The following ASCC2 variants were observed in gnomAD, a reference collection of about 807,000 sequenced individuals.
ASCC2 encodes the protein ASC-1 complex subunit P100.
In ASCC2, 42 loss-of-function variants were observed where a neutral mutation model predicts 93.5. The observed-to-expected ratio is 0.45, with a 90% CI of 0.35 to 0.58. The LOEUF (loss-of-function observed/expected upper bound fraction) is 0.58, where lower values mean the gene tolerates loss of function less well. Ranked by LOEUF, ASCC2 falls within the 20% of genes least tolerant of loss-of-function variation. The pLI is 0.00. For synonymous variants in ASCC2, 364 were observed against 384.2 expected, an observed-to-expected ratio of 0.95 and a Z score of 0.62; for missense variants, 859 against 977.6, an observed-to-expected ratio of 0.88 and a Z score of 1.62.
At chr22:29,828,895 C>T (rs766849826) in intron 2 of ASCC2, among the ~76,000 whole-genome samples, 33 of 152,232 alleles carry the variant, frequency 2.2e-4, no homozygotes, top group South Asian at 4.1e-4. Flanking sequence ...AAAATGTTGG[C>T]TGGGTACAGT....
At position 29,822,438 on chromosome 22, in the gene ASCC2, A is replaced by C; in HGVS notation, c.438T>G (p.Phe146Leu). ...SKDHFISPSAFGEILYNNFLF... is the reference protein window; with the variant it reads ...SKDHFISPSALGEILYNNFLF... ...GGAAGTTATTGTAGAGGATTTCTCC[A>C]AACGCAGAAGGGGAAATGAAGTGAT... Residue 146 changes from phenylalanine to leucine, a missense_variant, in exon 5 of 20, where the codon TTT (phenylalanine) becomes TTG (leucine). By Grantham distance (22) the Phe-to-Leu change is conservative. Transcript: ENST00000307790. The C allele has an allele frequency of 6.2e-7, 1 of 1,614,018 alleles. No homozygotes were observed. Among genetic ancestry groups the C allele is most frequent in the Non-Finnish European group, 8.5e-7 (1 of 1,179,944 alleles).
rs751298790 is a variant in ASCC2 at position 29,806,854 on chromosome 22, A to G, written c.959T>C (p.Met320Thr). Residue 320 changes from methionine (M) to threonine (T), a missense_variant, in exon 10 of 20, where the codon ATG becomes ACG. Coordinates refer to ENST00000307790, the MANE Select transcript of ASCC2 (RefSeq NM_032204.5). The part of the protein sequence containing the change: ...QRLSHSRKKL[M>T]EIFHIILNQI... ...GTTCAGGATGATGTGGAAAATCTCC[A>G]TTAGCTTCTTCCTGGAATGGGAGAG... The G allele has an allele frequency of 6.2e-7, 1 of 1,613,984 alleles. No individual in the cohort carries two copies. Among genetic ancestry groups the G allele is most frequent in the Non-Finnish European group, 8.5e-7 (1 of 1,179,966 alleles).
At chr22:29,837,273 A>G (rs1362127106) in intron 1 of ASCC2, among the ~76,000 whole-genome samples, 1 of 151,988 alleles carries the variant, frequency 6.6e-6, no homozygotes, top group Non-Finnish European at 1.5e-5. Context: ...TACCGAAAAA[A>G]AAAAAAAAAA....
At chr22:29,834,402 C>G (rs2063523370) in intron 1 of ASCC2, 1 of 435,556 alleles carries the variant, frequency 2.3e-6, no homozygotes, top group African/African-American at 2.1e-5. Flanking sequence ...CCCAAGGAAC[C>G]TTGGTTCTGG....
chr22:29,793,303 G>T, intron 17 of ASCC2, 57 bp downstream of exon 17: 1 of 1,602,650 alleles, frequency 6.2e-7, no homozygotes. Context: ...GGGTGAGGGA[G>T]CCCCATGGGC....
intron 10 of ASCC2, 62 bp from the exon 11 acceptor site, chr22:29,806,615 C>T (rs1233082779): frequency 2.6e-6 from 4 of 1,527,052 alleles, no homozygotes; most frequent in Non-Finnish European, 3.6e-6. Flanking sequence ...AGCTCCTTTA[C>T]ACACCCGCTG....
chr22:29,825,982 T>G lies in ASCC2; in HGVS notation c.82-202A>C. ...TAGGCGGTAATTAAAATCCATGTTT[T>G]CGGAGTGGATTTAATGACACGGGGA... On this transcript the variant is annotated intron_variant, in intron 2 of 19. Coordinates refer to ENST00000307790, the MANE Select transcript of ASCC2 (RefSeq NM_032204.5). This position sits in a 1 kb window ranked among gnomAD's most constrained non-coding sequence, Gnocchi z 4.9. 1.9e-6 allele frequency: 1 copy of G among 532,320 alleles called. No individual in the cohort carries two copies. Among genetic ancestry groups the G allele is most frequent in the South Asian group, 2.8e-5 (1 of 35,142 alleles). The allele number at this position is 532,320 out of a possible 1,614,324, so 33.0% of individuals were successfully genotyped here. A position where few individuals can be genotyped will look rare whatever the true frequency, so the allele number is the denominator to read the frequency against.
chr22:29,818,407 CACACACACACACACACACA>C (rs1569410630), intron 5 of ASCC2, among the ~76,000 whole-genome samples: 1 of 3,320 alleles, frequency 3.0e-4, no homozygotes, highest in Non-Finnish European at 7.1e-4. Context: ...CCTGCCTACA[CACACACACACACACACACA>C]CACACACACA....
intron 5 of ASCC2, 83 bp from the exon 6 acceptor site, chr22:29,816,156 G>A (rs2148010039): frequency 8.6e-7 from 1 of 1,159,846 alleles, no homozygotes; most frequent in Non-Finnish European, 1.3e-6. Context: ...ATGGTTGCCA[G>A]CAGGTCTGTG....
chr22:29,796,813 G>C (rs938501915), intron 15 of ASCC2, among the ~76,000 whole-genome samples: 3 of 152,216 alleles, frequency 2.0e-5, no homozygotes, highest in Middle Eastern at 3.2e-3. Flanking sequence ...TCCAGGACCT[G>C]TGCTGGGCCA....
intron 17 of ASCC2, 68 bp downstream of exon 17, chr22:29,793,292 T>C: frequency 6.3e-7 from 1 of 1,595,836 alleles, no homozygotes; most frequent in South Asian, 1.1e-5. Context: ...TGTAAACAAG[T>C]GGGTGAGGGA....
chr22:29,788,831 T>A lies in ASCC2; in HGVS notation c.*182A>T. On this transcript the variant is annotated 3_prime_UTR_variant, in exon 20 of 20. Coordinates refer to ENST00000307790, the MANE Select transcript of ASCC2 (RefSeq NM_032204.5). ...CGGCTGTGGCATAAGGCACTGTGTG[T>A]TCTGCAGGAAGGCGCTCATGGCTGG... 1 of 687,842 alleles carries A rather than the reference T, an allele frequency of 1.5e-6. No homozygotes were observed. The highest frequency in any genetic ancestry group is 2.4e-6 in the Non-Finnish European group (1 of 410,318). The allele number at this position is 687,842 out of a possible 1,614,324, so 42.6% of individuals were successfully genotyped here. A position where few individuals can be genotyped will look rare whatever the true frequency, so the allele number is the denominator to read the frequency against.
chr22:29,806,820 G>T lies in ASCC2; in HGVS notation c.993C>A (p.Cys331Ter). The T allele has an allele frequency of 6.2e-7, 1 of 1,613,424 alleles. No homozygotes were observed. The highest frequency in any genetic ancestry group is 8.5e-7 in the Non-Finnish European group (1 of 1,179,354). ...ACCTGCTTTCTAGGATGGGAAGGAG[G>T]CAGATCTGGTTCAGGATGATGTGGA... is the stretch of plus-strand genomic sequence containing the variant. ...EIFHIILNQI[C>*]LLPILESSCD... The change falls in exon 10 of 20, where the codon TGC (cysteine) becomes TGA (stop). Residue 331 changes from cysteine (C) to a stop codon, truncating the protein, a stop_gained. Coordinates refer to ENST00000307790, the MANE Select transcript of ASCC2 (RefSeq NM_032204.5). LOFTEE classifies it high-confidence loss of function.
intron 2 of ASCC2, among the ~76,000 whole-genome samples, chr22:29,830,286 T>C (rs2062964365): frequency 6.6e-6 from 1 of 152,096 alleles, no homozygotes; most frequent in African/African-American, 2.4e-5. Flanking sequence ...CTTAGAGAGG[T>C]TCAATAACTT....
chr22:29,818,554 C>G (rs908581252), intron 5 of ASCC2, among the ~76,000 whole-genome samples: 2 of 151,870 alleles, frequency 1.3e-5, no homozygotes, highest in African/African-American at 2.4e-5. Flanking sequence ...AGGGGCTCTT[C>G]TTAATAAGCC....
At chr22:29,802,285 G>A (rs2059176718) in intron 13 of ASCC2, 77 bp from the exon 14 acceptor site, 2 of 1,432,036 alleles carry the variant, frequency 1.4e-6, no homozygotes, top group East Asian at 2.3e-5. Context: ...GACAGCACTG[G>A]ACTAGGCATC....
intron 19 of ASCC2, 45 bp downstream of exon 19, chr22:29,790,424 G>C: frequency 1.9e-6 from 3 of 1,602,732 alleles, no homozygotes; most frequent in Non-Finnish European, 2.6e-6. Flanking sequence ...GCCCTCCCCA[G>C]ATGGTGGGAG....
chr22:29,824,278 ACACAC>A (rs2148212632), intron 4 of ASCC2, among the ~76,000 whole-genome samples: 1 of 151,994 alleles, frequency 6.6e-6, no homozygotes, highest in East Asian at 1.9e-4. Context: ...ACACACACAC[ACACAC>A]ACACACACTC....
At chr22:29,809,141 A>T (rs8142470) in intron 8 of ASCC2, among the ~76,000 whole-genome samples, 52,707 of 140,772 alleles carry the variant, frequency 0.37, 12,219 homozygotes, top group South Asian at 0.62. Context: ...AAAAAAAAAA[A>T]TTTAACATGA....
Sources: allele counts gnomAD v4.1 joint callset (sites outside exome capture counted in the v4.1 genomes callset), GRCh38; gene constraint gnomAD v4.1.1; non-coding constraint Gnocchi (gnomAD v3.1); transcripts MANE v1.5; gene names NCBI Gene and HGNC (gene_info 2026-07-23, HGNC 2026-07-21).